ST6GAL2: variants seen among roughly 807,000 people sequenced by gnomAD.
ST6GAL2 encodes the protein beta-galactoside alpha-2,6-sialyltransferase 2.
A neutral mutation model predicts 37.5 loss-of-function variants in ST6GAL2; 24 were observed. The observed-to-expected ratio is 0.64, with a 90% CI of 0.46 to 0.90. The LOEUF (loss-of-function observed/expected upper bound fraction) is 0.90. Among genes scored for constraint, ST6GAL2 ranks in the 40% least tolerant of loss-of-function variants. ST6GAL2 has a pLI of 0.00. For missense variants in ST6GAL2, 715 were observed against 712.7 expected (o/e 1.00, Z -0.04); for synonymous variants, 306 against 295.1 (o/e 1.04, Z -0.38).
intron 2 of ST6GAL2, chr2:106,834,802 A>T (rs1258893592): frequency 6.6e-6 from 1 of 152,388 alleles, no homozygotes; most frequent in Non-Finnish European, 1.5e-5. Context: ...GGTGAGATGG[A>T]GAGACCACCA....
intron 1 of ST6GAL2, 126 bp downstream of exon 1, chr2:106,885,967 C>CCTTCAACA (rs1678967052): frequency 6.6e-6 from 1 of 152,442 alleles, no homozygotes; most frequent in Non-Finnish European, 1.5e-5. Flanking sequence ...CCCCAAACCA[C>CCTTCAACA]CTTCAACATT....
rs1392234944 is a variant in ST6GAL2 at position 106,806,331 on chromosome 2, CA to C, written c.*346del. 8.8e-6 allele frequency: 2 copies of C among 226,254 alleles called. No homozygotes were observed. Among genetic ancestry groups the C allele is most frequent in the Non-Finnish European group, 8.7e-6 (1 of 114,782 alleles). 14.0% of individuals were successfully genotyped at this position (226,254 alleles called of 1,614,324 possible). On this transcript the variant is annotated 3_prime_UTR_variant, in exon 6 of 6. Transcript: ENST00000409382. ...CACTTCATATGGTCAGGAACATCAC[CA>C]AAACCTGTCATTGAAACCAACCCTG... is the stretch of plus-strand genomic sequence containing the variant.
chr2:106,866,957 C>T (rs958110705), intron 1 of ST6GAL2, among the ~76,000 whole-genome samples: 23 of 152,022 alleles, frequency 1.5e-4, no homozygotes, highest in African/African-American at 5.6e-4. Flanking sequence ...ACTGGCATTG[C>T]ACGAGTTAAC....
intron 1 of ST6GAL2, among the ~76,000 whole-genome samples, chr2:106,857,158 T>C (rs1412154951): frequency 6.6e-6 from 1 of 152,214 alleles, no homozygotes; most frequent in Non-Finnish European, 1.5e-5. Context: ...TAAGACCTTA[T>C]TCAAAGAAAA....
chr2:106,879,967 ATAC>A (rs1678680809), intron 1 of ST6GAL2, among the ~76,000 whole-genome samples: 1 of 148,784 alleles, frequency 6.7e-6, no homozygotes, highest in Non-Finnish European at 1.5e-5. Flanking sequence ...GACCAATTAC[ATAC>A]TATTATATAC....
chr2:106,831,449 GC>G (rs1676418871), intron 4 of ST6GAL2, among the ~76,000 whole-genome samples: 1 of 152,204 alleles, frequency 6.6e-6, no homozygotes, highest in Admixed American at 6.5e-5. Context: ...AGCTGTGAGA[GC>G]TTAAAACCAG....
chr2:106,880,103 A>G (rs186007253), intron 1 of ST6GAL2, among the ~76,000 whole-genome samples: 14 of 151,832 alleles, frequency 9.2e-5, no homozygotes, highest in African/African-American at 3.4e-4. Context: ...AAAGAAAACC[A>G]TATTACACTT....
intron 1 of ST6GAL2, among the ~76,000 whole-genome samples, chr2:106,873,241 A>C (rs1013741252): frequency 2.0e-5 from 3 of 152,190 alleles, no homozygotes; most frequent in African/African-American, 7.2e-5. Context: ...GGGACAGCAC[A>C]GCAGCTTCCT....
chr2:106,866,928 T>C (rs1386487885), intron 1 of ST6GAL2, among the ~76,000 whole-genome samples: 2 of 152,234 alleles, frequency 1.3e-5, no homozygotes, highest in Non-Finnish European at 2.9e-5. Context: ...AGTTAAATGC[T>C]TTTAAATTTG....
At chr2:106,841,848 G>A (rs1325139341) in intron 2 of ST6GAL2, among the ~76,000 whole-genome samples, 2 of 152,140 alleles carry the variant, frequency 1.3e-5, no homozygotes, top group African/African-American at 2.4e-5. Flanking sequence ...GATTAGAATT[G>A]GTATTTTACT....
intron 5 of ST6GAL2, among the ~76,000 whole-genome samples, chr2:106,818,250 A>G (rs1163737579): frequency 6.6e-6 from 1 of 152,166 alleles, no homozygotes; most frequent in Non-Finnish European, 1.5e-5. Flanking sequence ...AGTGGTTACC[A>G]TGGTCCTTAG....
intron 1 of ST6GAL2, among the ~76,000 whole-genome samples, chr2:106,851,638 C>A (rs1677363495): frequency 6.6e-6 from 1 of 151,088 alleles, no homozygotes; most frequent in African/African-American, 2.4e-5. Flanking sequence ...AGCTTTATTG[C>A]CCATTTTCTT....
At chr2:106,847,213 C>T (rs891227130) in intron 1 of ST6GAL2, among the ~76,000 whole-genome samples, 1 of 152,234 alleles carries the variant, frequency 6.6e-6, no homozygotes, top group Non-Finnish European at 1.5e-5. Flanking sequence ...TGCCTGCTCT[C>T]AAGTTCTGTA....
chr2:106,838,367 G>C (rs1406481119), intron 2 of ST6GAL2, among the ~76,000 whole-genome samples: 1 of 152,176 alleles, frequency 6.6e-6, no homozygotes, highest in Admixed American at 6.5e-5. Flanking sequence ...ACACTGATGA[G>C]AAAATTCAAA....
intron 1 of ST6GAL2, among the ~76,000 whole-genome samples, chr2:106,874,541 A>G (rs1678418578): frequency 6.6e-6 from 1 of 152,194 alleles, no homozygotes; most frequent in African/African-American, 2.4e-5. Flanking sequence ...AAGGTTTGGA[A>G]GGAGGACTCT....
chr2:106,824,581 G>T (rs1047418709), intron 5 of ST6GAL2, among the ~76,000 whole-genome samples: 1 of 152,126 alleles, frequency 6.6e-6, no homozygotes. Flanking sequence ...GCAGTGAGCC[G>T]AGAAGGCTCC....
intron 1 of ST6GAL2, among the ~76,000 whole-genome samples, chr2:106,880,787 A>G (rs961886299): frequency 6.6e-6 from 1 of 152,176 alleles, no homozygotes; most frequent in African/African-American, 2.4e-5. Flanking sequence ...TTGTTAGTCA[A>G]TAGCCATGAA....
chr2:106,817,050 A>C lies in ST6GAL2; in HGVS notation c.1319-10101T>G, dbSNP rs80103843. ...AGCCCTGGCCAAAGGCAAATCATCCATCCCAGTGGTCACAACCTGAGTTCT... is the reference window on the plus strand; with the variant it reads ...AGCCCTGGCCAAAGGCAAATCATCCCTCCCAGTGGTCACAACCTGAGTTCT... On this transcript the variant is annotated intron_variant, in intron 5 of 5. Transcript: ENST00000409382. Among the ~76,000 whole-genome samples the C allele has an allele frequency of 2.8e-3, 424 of 152,350 alleles. 2 individuals are homozygous for C. Among genetic ancestry groups the C allele is most frequent in the African/African-American group, 9.8e-3 (409 of 41,590 alleles).
chr2:106,842,329 G>GC, intron 2 of ST6GAL2, among the ~76,000 whole-genome samples: 1 of 152,234 alleles, frequency 6.6e-6, no homozygotes, highest in Non-Finnish European at 1.5e-5. Context: ...TGAAGGCAGA[G>GC]CCTGGCAGGG....
Sources: allele counts gnomAD v4.1 joint callset (sites outside exome capture counted in the v4.1 genomes callset), GRCh38; gene constraint gnomAD v4.1.1; transcripts MANE v1.5; gene names NCBI Gene and HGNC (gene_info 2026-07-23, HGNC 2026-07-21).